The following ADD3 variants were observed in gnomAD, a reference collection of about 807,000 sequenced individuals.
ADD3 encodes the protein gamma-adducin.
A neutral mutation model predicts 80.2 loss-of-function variants in ADD3; 25 were observed. That is an observed-to-expected ratio of 0.31 (90% confidence interval 0.23 to 0.44). The LOEUF is 0.44. ADD3 is among the 20% of genes least tolerant of loss of function. The pLI, the probability that ADD3 is intolerant of heterozygous loss-of-function variation, is 1.00. For missense variants in ADD3, 829 were observed against 847.5 expected, an observed-to-expected ratio of 0.98 and a Z score of 0.27; for synonymous variants, 284 against 289.6, an observed-to-expected ratio of 0.98 and a Z score of 0.20.
In ADD3 at chr10:110,126,525, A is replaced by T. The variant is rs1474648990; in HGVS notation, c.1608+22A>T. 3.3e-6 allele frequency: 5 copies of T among 1,538,194 alleles called. No individual in the cohort carries two copies. The Admixed American group carries it at 8.7e-5, about 27-fold the overall frequency. ...TTCTGTAAGTTTATGAAGTAGTATGATCTTTGTTTTTTATTTACCACATTA... is the reference window on the plus strand; with the variant it reads ...TTCTGTAAGTTTATGAAGTAGTATGTTCTTTGTTTTTTATTTACCACATTA... On this transcript the variant is annotated intron_variant, in intron 12 of 14. Coordinates refer to ENST00000356080, the MANE Select transcript of ADD3 (RefSeq NM_016824.5).
chr10:110,090,986 T>C (rs1219962470), intron 1 of ADD3, among the ~76,000 whole-genome samples: 1 of 152,156 alleles, frequency 6.6e-6, no homozygotes, highest in Admixed American at 6.5e-5. Flanking sequence ...ACAAGTCATT[T>C]CAAAAGAACA....
At chr10:110,117,517 G>A (rs1850887844) in intron 5 of ADD3, 95 bp downstream of exon 5, 1 of 729,418 alleles carries the variant, frequency 1.4e-6, no homozygotes, top group Admixed American at 2.6e-5. Context: ...AAGAAGGTAT[G>A]GATGGAAAAA....
intron 1 of ADD3, among the ~76,000 whole-genome samples, chr10:110,083,268 C>T (rs12259290): frequency 0.12 from 18,824 of 152,020 alleles, 3,729 homozygotes; most frequent in African/African-American, 0.42. Context: ...ATTGGATGGA[C>T]GGATGGAGAT....
chr10:110,090,340 C>T (rs1394515816), intron 1 of ADD3, among the ~76,000 whole-genome samples: 1 of 151,492 alleles, frequency 6.6e-6, no homozygotes, highest in African/African-American at 2.4e-5. Context: ...ATGCTTTGGC[C>T]TCCCAAGTAG....
At position 110,010,570 on chromosome 10, in the gene ADD3, T is replaced by C. The variant is rs955263185; in HGVS notation, c.-30+2271T>C. On this transcript the variant is annotated intron_variant, in intron 1 of 14. Coordinates refer to ENST00000356080, the MANE Select transcript of ADD3 (RefSeq NM_016824.5). ...TAAAGTGACATATCTTTTTGAAGGCTGTTAGGTCATGCTACCCAGCATGTG... is the reference window on the plus strand; with the variant it reads ...TAAAGTGACATATCTTTTTGAAGGCCGTTAGGTCATGCTACCCAGCATGTG... 3.3e-5 allele frequency among the ~76,000 whole-genome samples: 5 copies of C among 152,256 alleles called. No individual in the cohort carries two copies. In the East Asian group the frequency reaches 7.7e-4, roughly 23 times the overall value.
At chr10:110,021,819 A>G in intron 1 of ADD3, among the ~76,000 whole-genome samples, 1 of 152,192 alleles carries the variant, frequency 6.6e-6, no homozygotes, top group East Asian at 1.9e-4. Context: ...CATTGCGAAT[A>G]TACTGAAAAC....
At chr10:110,118,563 A>G (rs1368461577) in intron 5 of ADD3, 24 bp from the exon 6 acceptor site, 1 of 1,608,610 alleles carries the variant, frequency 6.2e-7, no homozygotes, top group Admixed American at 1.7e-5. Context: ...TACCAGTTAA[A>G]TATGTCCTTC....
chr10:110,006,000 C>T, upstream of ADD3: 1 of 245,528 alleles, frequency 4.1e-6, no homozygotes, highest in Non-Finnish European at 8.3e-6. Context: ...GCTGCTGCTG[C>T]TGCTGCCGCC....
At chr10:109,998,451 TG>T (rs1206691479) in intron 1 of ADD3, among the ~76,000 whole-genome samples, 1 of 152,360 alleles carries the variant, frequency 6.6e-6, no homozygotes, top group African/African-American at 2.4e-5. Flanking sequence ...ATGACTTTAA[TG>T]GCTTCCTAAC....
At chr10:110,094,156 T>A (rs908208208) in intron 1 of ADD3, among the ~76,000 whole-genome samples, 1 of 152,302 alleles carries the variant, frequency 6.6e-6, no homozygotes, top group South Asian at 2.1e-4. Flanking sequence ...TTAGTTCTTC[T>A]TAATAGCCTG....
At chr10:110,090,216 CT>C (rs144120692) in intron 1 of ADD3, among the ~76,000 whole-genome samples, 654 of 113,900 alleles carry the variant, frequency 5.7e-3, no homozygotes, top group Middle Eastern at 9.8e-3. Context: ...ACCTACTTGA[CT>C]TTTTTTTTTT....
chr10:110,043,088 C>T (rs1856550812), intron 1 of ADD3, among the ~76,000 whole-genome samples: 1 of 152,150 alleles, frequency 6.6e-6, no homozygotes, highest in Admixed American at 6.5e-5. Flanking sequence ...TACTTGCAGG[C>T]TGTGGAATAG....
chr10:110,103,119 G>C (rs1342482214), intron 2 of ADD3, among the ~76,000 whole-genome samples: 2 of 152,160 alleles, frequency 1.3e-5, no homozygotes, highest in Non-Finnish European at 2.9e-5. Context: ...AAAGACTTAA[G>C]AAAGTGTATA....
rs138981928 is a variant in ADD3 at position 110,125,875 on chromosome 10, A to G, written c.1451A>G (p.Lys484Arg). The change falls in exon 11 of 15, where the codon AAA becomes AGA. Residue 484 changes from lysine to arginine, a missense_variant. Coordinates refer to ENST00000356080, the MANE Select transcript of ADD3 (RefSeq NM_016824.5). ...SSKVSGGTPI[K>R]IEDPNQFVPL... Reference sequence around the variant, plus strand: ...AAAGTTAGTGGTGGAACACCTATCAAAATTGAAGATCCAAATCAGTTTGTT... The same window carrying G: ...AAAGTTAGTGGTGGAACACCTATCAGAATTGAAGATCCAAATCAGTTTGTT... 3 of 1,611,058 alleles carry G rather than the reference A, an allele frequency of 1.9e-6. No homozygotes were observed. Among genetic ancestry groups the G allele is most frequent in the South Asian group, 2.2e-5 (2 of 90,812 alleles).
upstream of ADD3, among the ~76,000 whole-genome samples, chr10:110,005,346 C>A (rs1851584732): frequency 6.6e-6 from 1 of 152,216 alleles, no homozygotes; most frequent in Non-Finnish European, 1.5e-5. Flanking sequence ...AGGCGTGAGC[C>A]ACCACGCCCG....
chr10:110,063,736 ATT>A lies in ADD3; in HGVS notation c.-29-36888_-29-36887del, dbSNP rs1491242289. On this transcript the variant is annotated intron_variant, in intron 1 of 14. Transcript: ENST00000356080. Reference sequence around the variant, plus strand: ...TTGATGAATATGAATATATATATTCATTATATATATATATATATATATATATA... The same window carrying A: ...TTGATGAATATGAATATATATATTCAATATATATATATATATATATATATA... Among the ~76,000 whole-genome samples the A allele has an allele frequency of 2.1e-3, 98 of 45,810 alleles. 2 individuals are homozygous for A. The highest frequency in any genetic ancestry group is 6.9e-3 in the African/African-American group (86 of 12,438). 30.1% of individuals were successfully genotyped at this position (45,810 alleles called of 152,430 possible).
chr10:110,110,513 C>G (rs1311431789), intron 2 of ADD3, among the ~76,000 whole-genome samples: 1 of 152,152 alleles, frequency 6.6e-6, no homozygotes, highest in East Asian at 1.9e-4. Flanking sequence ...AAGCTCGGTC[C>G]TTTATGGTTG....
At chr10:110,035,520 C>T (rs564002620) in intron 1 of ADD3, among the ~76,000 whole-genome samples, 13 of 152,326 alleles carry the variant, frequency 8.5e-5, no homozygotes, top group African/African-American at 3.1e-4. Context: ...CCAAGCTAGA[C>T]TTGCTGACTA....
At chr10:110,034,260 T>C (rs1210698355) in intron 1 of ADD3, among the ~76,000 whole-genome samples, 1 of 152,164 alleles carries the variant, frequency 6.6e-6, no homozygotes, top group Non-Finnish European at 1.5e-5. Flanking sequence ...GTTTTAAAAA[T>C]CAGTATTCAT....
Sources: gnomAD v4.1 joint callset for allele counts (sites outside exome capture counted in the v4.1 genomes callset) on GRCh38, gnomAD v4.1.1 for gene constraint, MANE v1.5 for transcripts, NCBI Gene and HGNC (gene_info 2026-07-23, HGNC 2026-07-21) for gene names.